The following SEMA3C variants were observed in gnomAD, a reference collection of about 807,000 sequenced individuals.
SEMA3C encodes the protein semaphorin-3C.
Under a neutral mutation model 89.4 loss-of-function variants are expected in SEMA3C, and 47 were observed. The observed-to-expected ratio is 0.53, with a 90% CI of 0.42 to 0.67. The LOEUF is 0.67. Among genes scored for constraint, SEMA3C ranks in the 30% least tolerant of loss-of-function variants. SEMA3C has a pLI of 0.00. For synonymous variants in SEMA3C, 310 were observed against 320.2 expected, an observed-to-expected ratio of 0.97 and a Z score of 0.34; for missense variants, 839 against 929.1, an observed-to-expected ratio of 0.90 and a Z score of 1.26.
intron 6 of SEMA3C, among the ~76,000 whole-genome samples, chr7:80,808,353 G>T (rs531929943): frequency 6.6e-6 from 1 of 152,100 alleles, no homozygotes; most frequent in African/African-American, 2.4e-5. Flanking sequence ...GTTTCTGAAG[G>T]TGAATAAAGT....
intron 2 of SEMA3C, among the ~76,000 whole-genome samples, chr7:80,843,926 TAC>T (rs944874048): frequency 1.5e-5 from 2 of 136,536 alleles, no homozygotes; most frequent in Non-Finnish European, 3.2e-5. Context: ...ACTGAGAACA[TAC>T]AAAGTACCTA....
intron 2 of SEMA3C, among the ~76,000 whole-genome samples, chr7:80,873,885 G>C (rs1264886531): frequency 6.6e-6 from 1 of 152,080 alleles, no homozygotes; most frequent in Non-Finnish European, 1.5e-5. Context: ...ACTGTGCTCT[G>C]GCCTCTCCTA....
At chr7:80,876,877 A>G (rs1230757495) in intron 2 of SEMA3C, among the ~76,000 whole-genome samples, 1 of 152,070 alleles carries the variant, frequency 6.6e-6, no homozygotes, top group East Asian at 1.9e-4. Flanking sequence ...TGGTCTCCCA[A>G]ACCTCTCCTT....
intron 7 of SEMA3C, 81 bp from the exon 8 acceptor site, chr7:80,804,329 G>T: frequency 1.1e-6 from 1 of 947,806 alleles, no homozygotes; most frequent in Admixed American, 3.2e-5. Flanking sequence ...ACAGGCAGAT[G>T]CCTTCCCCAT....
chr7:80,905,659 C>T (rs1791997068), intron 2 of SEMA3C, among the ~76,000 whole-genome samples: 1 of 152,148 alleles, frequency 6.6e-6, no homozygotes, highest in South Asian at 2.1e-4. Context: ...CTAATCCCTG[C>T]TAGCAAAATG....
chr7:80,770,415 G>T (rs1451292307), intron 12 of SEMA3C, among the ~76,000 whole-genome samples: 4 of 152,294 alleles, frequency 2.6e-5, no homozygotes, highest in Middle Eastern at 6.8e-3. Context: ...CTGCAGAATT[G>T]GACTATTGCT....
chr7:80,909,066 T>G (rs896606954), intron 2 of SEMA3C, among the ~76,000 whole-genome samples: 1 of 152,108 alleles, frequency 6.6e-6, no homozygotes, highest in Admixed American at 6.6e-5. Context: ...ATTTTACTCA[T>G]AGACGATGTG....
intron 15 of SEMA3C, among the ~76,000 whole-genome samples, chr7:80,754,041 G>A (rs1277546304): frequency 6.6e-6 from 1 of 152,100 alleles, no homozygotes; most frequent in Non-Finnish European, 1.5e-5. Context: ...AGGTTCAAGC[G>A]ACTCCCCTGC....
At chr7:80,769,323 T>C (rs532144721) in intron 12 of SEMA3C, among the ~76,000 whole-genome samples, 1 of 152,252 alleles carries the variant, frequency 6.6e-6, no homozygotes, top group African/African-American at 2.4e-5. Context: ...CAGCTCCAAA[T>C]AAAACTGCAT....
At chr7:80,751,932 T>C (rs1383496741) in intron 15 of SEMA3C, among the ~76,000 whole-genome samples, 1 of 152,198 alleles carries the variant, frequency 6.6e-6, no homozygotes, top group East Asian at 1.9e-4. Flanking sequence ...AGTACAGATA[T>C]GAGTAAAATG....
chr7:80,766,915 G>T (rs182159264), intron 12 of SEMA3C, among the ~76,000 whole-genome samples: 1 of 152,156 alleles, frequency 6.6e-6, no homozygotes, highest in Admixed American at 6.5e-5. Context: ...AACACACTGC[G>T]CATGCTCTCC....
chr7:80,805,561 T>C, intron 7 of SEMA3C, 78 bp downstream of exon 7: 3 of 1,258,526 alleles, frequency 2.4e-6, no homozygotes, highest in South Asian at 3.4e-5. Context: ...TTAACCATTT[T>C]CCCTAGTTGT....
intron 2 of SEMA3C, among the ~76,000 whole-genome samples, chr7:80,862,283 T>G (rs1473397713): frequency 6.6e-6 from 1 of 152,086 alleles, no homozygotes; most frequent in Non-Finnish European, 1.5e-5. Context: ...AGTAGTAGCT[T>G]GTGTACCAAC....
chr7:80,828,589 A>G lies in SEMA3C; in HGVS notation c.260T>C (p.Leu87Ser), dbSNP rs1238998576. 1 of 1,605,200 alleles carries G rather than the reference A, an allele frequency of 6.2e-7. No homozygotes were observed. Among genetic ancestry groups the G allele is most frequent in the Admixed American group, 1.7e-5 (1 of 59,750 alleles). The change falls in exon 3 of 18, where the codon TTG (leucine) becomes TCG (serine). Residue 87 changes from leucine (L) to serine (S), a missense_variant. Transcript: ENST00000265361. ...LNINNISQEA[L>S]SVFWPASTIK... Reference sequence around the variant, plus strand: ...TCGTGAAAGTGATAAACTTACACTCAAAGCTTCTTGACTTATATTGTTAAT... The same window carrying G: ...TCGTGAAAGTGATAAACTTACACTCGAAGCTTCTTGACTTATATTGTTAAT...
intron 7 of SEMA3C, among the ~76,000 whole-genome samples, chr7:80,804,855 G>A (rs756677771): frequency 6.6e-6 from 1 of 152,116 alleles, no homozygotes; most frequent in African/African-American, 2.4e-5. Flanking sequence ...CAGCGAAATA[G>A]GATGCTTCAC....
intron 12 of SEMA3C, among the ~76,000 whole-genome samples, chr7:80,783,361 C>T (rs1283913324): frequency 6.6e-6 from 1 of 152,106 alleles, no homozygotes; most frequent in Non-Finnish European, 1.5e-5. Flanking sequence ...ATCAATTCAG[C>T]CATCGTTCCA....
chr7:80,842,580 C>A (rs949921087), intron 2 of SEMA3C, among the ~76,000 whole-genome samples: 9 of 152,048 alleles, frequency 5.9e-5, no homozygotes, highest in Admixed American at 1.3e-4. Context: ...CATGAGAAAT[C>A]CAGTTTGACC....
chr7:80,916,952 G>A (rs1490988204), intron 1 of SEMA3C, 133 bp from the exon 2 acceptor site: 1 of 619,412 alleles, frequency 1.6e-6, no homozygotes, highest in Non-Finnish European at 2.6e-6. Flanking sequence ...AACAGTAGGA[G>A]GTGCTGTGTC....
intron 4 of SEMA3C, 30 bp downstream of exon 4, chr7:80,827,395 T>G (rs1256150743): frequency 5.7e-6 from 4 of 706,830 alleles, no homozygotes; most frequent in East Asian, 9.2e-5. Flanking sequence ...AGTTAGTGTT[T>G]TTTTTTTTTT....
Sources: allele counts gnomAD v4.1 joint callset (sites outside exome capture counted in the v4.1 genomes callset), GRCh38; gene constraint gnomAD v4.1.1; transcripts MANE v1.5; gene names NCBI Gene and HGNC (gene_info 2026-07-23, HGNC 2026-07-21).